FLT1: variants seen among roughly 807,000 people sequenced by gnomAD.
FLT1 encodes fms related receptor tyrosine kinase 1.
A neutral mutation model predicts 156.3 loss-of-function variants in FLT1; 49 were observed. The ratio of observed to expected loss-of-function variants is 0.31; its 90% confidence interval spans 0.25 to 0.40. The LOEUF is 0.40. Ranked by LOEUF, FLT1 falls within the 10% of genes least tolerant of loss-of-function variation. FLT1 has a pLI of 1.00. For synonymous variants in FLT1, 594 were observed against 583.8 expected, an observed-to-expected ratio of 1.02 and a Z score of -0.25; for missense variants, 1,322 against 1,637.2, an observed-to-expected ratio of 0.81 and a Z score of 3.32.
chr13:28,487,493 T>C (rs916164044), intron 1 of FLT1, among the ~76,000 whole-genome samples: 4 of 152,194 alleles, frequency 2.6e-5, no homozygotes, highest in Non-Finnish European at 5.9e-5. Context: ...CCATTTGTGC[T>C]CCACCCATTA....
chr13:28,325,581 G>A (rs1189162953), intron 20 of FLT1, among the ~76,000 whole-genome samples: 3 of 152,068 alleles, frequency 2.0e-5, no homozygotes, highest in Non-Finnish European at 2.9e-5. Context: ...TTGTGAGGCC[G>A]AGGCAGGCGG....
chr13:28,476,544 C>G (rs147147601), intron 1 of FLT1, among the ~76,000 whole-genome samples: 5 of 152,280 alleles, frequency 3.3e-5, no homozygotes, highest in Admixed American at 2.6e-4. Context: ...ATCCTAGGAA[C>G]CTGCTTTTTC....
chr13:28,355,950 G>A (rs985986290), intron 15 of FLT1, among the ~76,000 whole-genome samples: 7 of 152,304 alleles, frequency 4.6e-5, no homozygotes, highest in African/African-American at 1.7e-4. Context: ...AAGGAAGGAA[G>A]TCAAGACTTT....
chr13:28,324,077 A>G (rs1197282772), intron 20 of FLT1, among the ~76,000 whole-genome samples: 1 of 152,174 alleles, frequency 6.6e-6, no homozygotes, highest in East Asian at 1.9e-4. Context: ...CTATTATTTT[A>G]TGATTCATAG....
In FLT1 at chr13:28,302,133, A is replaced by T. The variant is rs1870539238; in HGVS notation, c.*1034T>A. ...ATCAGCCCTCGTTTTGATATGGAGA[A>T]AACTCCTCTCCTCAGGACTGCATTT... On this transcript the variant is annotated 3_prime_UTR_variant, in exon 30 of 30. Transcript: ENST00000282397. The T allele has an allele frequency of 4.5e-6, 1 of 224,676 alleles. No individual in the cohort carries two copies. The highest frequency in any genetic ancestry group is 8.5e-6 in the Non-Finnish European group (1 of 117,338). The allele number at this position is 224,676 out of a possible 1,614,324, so 13.9% of individuals were successfully genotyped here.
At chr13:28,345,605 G>T (rs866877512) in intron 15 of FLT1, 54 bp from the exon 16 acceptor site, 1 of 1,096,488 alleles carries the variant, frequency 9.1e-7, no homozygotes, top group South Asian at 1.3e-5. Flanking sequence ...CCCAAACTCA[G>T]AATCTTTGTG....
At position 28,460,866 on chromosome 13, in the gene FLT1, A is replaced by G. The variant is rs891460383; in HGVS notation, c.388+6037T>C. On this transcript the variant is annotated intron_variant, in intron 3 of 29. Coordinates refer to ENST00000282397, the MANE Select transcript of FLT1 (RefSeq NM_002019.4). ...CTTTACATTTATGAGGGTAAAATGG[A>G]TATATGAATGTATAAAATTGAAACA... Among the ~76,000 whole-genome samples the G allele has an allele frequency of 7.9e-5, 12 of 152,100 alleles. 1 individual carries two copies. The highest frequency in any genetic ancestry group is 2.9e-5 in the Non-Finnish European group (2 of 68,014).
rs1006260517 is a variant in FLT1 at position 28,317,650 on chromosome 13, A to G, written c.3287-53T>C. 6 of 1,138,068 alleles carry G rather than the reference A, an allele frequency of 5.3e-6. No individual in the cohort carries two copies. The South Asian group carries it at 7.4e-5, about 14-fold the overall frequency. 70.5% of individuals were successfully genotyped at this position (1,138,068 alleles called of 1,614,324 possible). A position where few individuals can be genotyped will look rare whatever the true frequency, so the allele number is the denominator to read the frequency against. ...GGCCTGTTATGGCTTAAGGGTACAA[A>G]AGACCAAGAGGGGACAATTCAGTGT... On this transcript the variant is annotated intron_variant, in intron 24 of 29. Coordinates refer to ENST00000282397, the MANE Select transcript of FLT1 (RefSeq NM_002019.4).
intron 4 of FLT1, among the ~76,000 whole-genome samples, chr13:28,434,670 G>A (rs917953675): frequency 6.6e-6 from 1 of 152,186 alleles, no homozygotes; most frequent in African/African-American, 2.4e-5. Flanking sequence ...ATCACCTGAG[G>A]TTAGCAGTTA....
At chr13:28,368,964 C>T (rs1009533745) in intron 14 of FLT1, among the ~76,000 whole-genome samples, 1 of 151,980 alleles carries the variant, frequency 6.6e-6, no homozygotes, top group Non-Finnish European at 1.5e-5. Flanking sequence ...CTCAGCCTCC[C>T]AAAGTGCTGG....
intron 1 of FLT1, among the ~76,000 whole-genome samples, chr13:28,473,669 GAA>G (rs763597402): frequency 0.035 from 4,234 of 122,228 alleles, 219 homozygotes; most frequent in African/African-American, 0.1. Context: ...AAGAAAGAAA[GAA>G]AGAGAGAGAG....
intron 18 of FLT1, among the ~76,000 whole-genome samples, chr13:28,332,624 A>G (rs1427597977): frequency 1.3e-5 from 2 of 152,166 alleles, no homozygotes; most frequent in East Asian, 3.9e-4. Flanking sequence ...AGGAAAGAGC[A>G]CTGCATTCAA....
intron 15 of FLT1, among the ~76,000 whole-genome samples, chr13:28,349,016 C>A (rs1274510716): frequency 6.6e-6 from 1 of 152,032 alleles, no homozygotes; most frequent in Non-Finnish European, 1.5e-5. Context: ...GTTCTAGGTG[C>A]TGGTATACAG....
chr13:28,407,063 C>T (rs186833294), intron 10 of FLT1, among the ~76,000 whole-genome samples: 28 of 152,228 alleles, frequency 1.8e-4, no homozygotes, highest in African/African-American at 6.0e-4. Flanking sequence ...TAAGTGCTGA[C>T]TTAATGGTTC....
chr13:28,485,219 T>C (rs1376679399), intron 1 of FLT1, among the ~76,000 whole-genome samples: 1 of 152,130 alleles, frequency 6.6e-6, no homozygotes, highest in Admixed American at 6.5e-5. Flanking sequence ...CCCCAAAGCA[T>C]GTCTGTCCCT....
At chr13:28,429,956 T>C in intron 8 of FLT1, 94 bp downstream of exon 8, 1 of 872,770 alleles carries the variant, frequency 1.1e-6, no homozygotes, top group East Asian at 2.4e-5. Flanking sequence ...GAACGTCTCT[T>C]GGTATTTTGT....
chr13:28,460,777 A>C (rs1024931610), intron 3 of FLT1, among the ~76,000 whole-genome samples: 1 of 148,766 alleles, frequency 6.7e-6, no homozygotes, highest in Non-Finnish European at 1.5e-5. Context: ...AAAAAGAAAT[A>C]CATTTTACGT....
rs768011705 is a variant in FLT1 at position 28,303,187 on chromosome 13, A to G, written c.3997T>C (p.Tyr1333His). ...AAACTCTAGATGGGTGGGGTGGAGTACAGGACCACCGAGTTGTAGTCTGGG... is the reference window on the plus strand; with the variant it reads ...AAACTCTAGATGGGTGGGGTGGAGTGCAGGACCACCGAGTTGTAGTCTGGG... ...PPPDYNSVVL[Y>H]STPPI is the part of the protein sequence containing the mutation. The change falls in exon 30 of 30, where the codon TAC becomes CAC. Residue 1333 changes from tyrosine to histidine, a missense_variant. Physicochemically the swap from Tyr to His is moderately conservative, Grantham distance 83. Transcript: ENST00000282397. The G allele has an allele frequency of 1.9e-6, 3 of 1,611,266 alleles. No homozygotes were observed. The African/African-American group carries it at 4.0e-5, about 22-fold the overall frequency.
At chr13:28,384,448 C>CAAAAAAAAAAAAAAAAAAAAAAAAAAA in intron 14 of FLT1, among the ~76,000 whole-genome samples, 1 of 60,280 alleles carries the variant, frequency 1.7e-5, no homozygotes, top group Non-Finnish European at 3.6e-5. Context: ...GACTCCATCT[C>CAAAAAAAAAAAAAAAAAAAAAAAAAAA]AAAAAAAAAA....
Sources: allele counts gnomAD v4.1 joint callset (sites outside exome capture counted in the v4.1 genomes callset), GRCh38; gene constraint gnomAD v4.1.1; transcripts MANE v1.5; gene names NCBI Gene and HGNC (gene_info 2026-07-23, HGNC 2026-07-21).